The following RFT1 variants were observed in gnomAD, a reference collection of about 807,000 sequenced individuals.
RFT1 encodes the protein man(5)GlcNAc(2)-PP-dolichol translocation protein RFT1.
A neutral mutation model predicts 62.2 loss-of-function variants in RFT1; 43 were observed. That is an observed-to-expected ratio of 0.69 (90% CI 0.54 to 0.89). The LOEUF (loss-of-function observed/expected upper bound fraction) is 0.89, where lower values mean the gene tolerates loss of function less well. Among genes scored for constraint, RFT1 ranks in the 40% least tolerant of loss-of-function variants. RFT1 has a pLI of 0.00. For missense variants in RFT1, 605 were observed against 649.9 expected (o/e 0.93, Z 0.75); for synonymous variants, 262 against 264.6 (o/e 0.99, Z 0.10).
intron 6 of RFT1, among the ~76,000 whole-genome samples, chr3:53,115,433 T>G (rs138492370): frequency 6.6e-6 from 1 of 152,186 alleles, no homozygotes; most frequent in Non-Finnish European, 1.5e-5. Context: ...CAAAAACCTT[T>G]CATTAGGCTC....
intron 11 of RFT1, among the ~76,000 whole-genome samples, chr3:53,098,998 G>T (rs1367964576): frequency 6.6e-6 from 1 of 152,130 alleles, no homozygotes; most frequent in Non-Finnish European, 1.5e-5. Flanking sequence ...GGGTAGGAAT[G>T]TGCATCTTGA....
the RFT1 span, among the ~76,000 whole-genome samples, chr3:53,074,215 A>C: frequency 3.7e-4 from 57 of 152,240 alleles, no homozygotes; most frequent in Middle Eastern, 0.01. Context: ...ACCCCCTCTC[A>C]GCCTGGCATT....
intron 6 of RFT1, among the ~76,000 whole-genome samples, chr3:53,114,439 G>A (rs2564944): frequency 1.3e-5 from 2 of 151,962 alleles, no homozygotes. Flanking sequence ...TGGTTTAAAT[G>A]GGCCTGTGGT....
At chr3:53,097,293 A>C (rs1701171098) in intron 11 of RFT1, among the ~76,000 whole-genome samples, 1 of 152,192 alleles carries the variant, frequency 6.6e-6, no homozygotes, top group Non-Finnish European at 1.5e-5. Flanking sequence ...CCACGTGCTC[A>C]GACCAGGGCC....
chr3:53,093,327 G>A (rs554676635), intron 11 of RFT1, among the ~76,000 whole-genome samples: 2 of 152,206 alleles, frequency 1.3e-5, no homozygotes, highest in African/African-American at 2.4e-5. Flanking sequence ...GGATCCTGGC[G>A]CTTCTTGCAC....
At chr3:53,129,252 C>T (rs577606060) in intron 1 of RFT1, among the ~76,000 whole-genome samples, 28 of 152,272 alleles carry the variant, frequency 1.8e-4, no homozygotes, top group Non-Finnish European at 3.2e-4. Context: ...TACTTATTAC[C>T]CTAATAAAAA....
At chr3:53,101,263 A>C (rs1701304572) in intron 10 of RFT1, among the ~76,000 whole-genome samples, 1 of 152,170 alleles carries the variant, frequency 6.6e-6, no homozygotes, top group South Asian at 2.1e-4. Context: ...CCCCCACCCC[A>C]GCTGACGGTG....
chr3:53,075,862 G>A, the RFT1 span, among the ~76,000 whole-genome samples: 1 of 152,216 alleles, frequency 6.6e-6, no homozygotes, highest in Non-Finnish European at 1.5e-5. Context: ...CCCCATCTGT[G>A]ATGAGCAGGG....
chr3:53,077,439 C>A, the RFT1 span, among the ~76,000 whole-genome samples: 1 of 152,226 alleles, frequency 6.6e-6, no homozygotes, highest in South Asian at 2.1e-4. Context: ...TGCCTGTGGG[C>A]AGGGAAACAA....
chr3:53,123,879 T>C (rs754650865), intron 2 of RFT1, 39 bp from the exon 3 acceptor site: 7 of 1,521,046 alleles, frequency 4.6e-6, no homozygotes, highest in Non-Finnish European at 6.4e-6. Flanking sequence ...GTCTCAAGTT[T>C]TTTCATAGAG....
At chr3:53,111,803 G>A (rs779780815) in intron 7 of RFT1, 27 bp downstream of exon 7, 8 of 1,592,294 alleles carry the variant, frequency 5.0e-6, no homozygotes, top group Non-Finnish European at 6.0e-6. Context: ...ATGGTCTCCC[G>A]ACGATTCAGA....
At chr3:53,098,629 C>T (rs559451155) in intron 11 of RFT1, among the ~76,000 whole-genome samples, 2 of 151,976 alleles carry the variant, frequency 1.3e-5, no homozygotes, top group South Asian at 4.2e-4. Flanking sequence ...GGTGAAACCC[C>T]ATCTCTACTA....
Position 53,111,891 on chromosome 3 carries a change from T to C in RFT1, c.714A>G (p.Lys238=). Residue 238 remains lysine, a synonymous_variant, in exon 7 of 13, where the codon AAA becomes AAG. Coordinates refer to ENST00000296292, the MANE Select transcript of RFT1 (RefSeq NM_052859.4). ...ITRNGAFINW[K]EAKLTWSFFK... is the part of the protein sequence containing the mutation. ...AAAAACTCCAAGTCAGTTTAGCCTCTTTCCAGTTTATAAACGCCTAGAAGA... is the reference window on the plus strand; with the variant it reads ...AAAAACTCCAAGTCAGTTTAGCCTCCTTCCAGTTTATAAACGCCTAGAAGA... 3 of 1,613,710 alleles carry C rather than the reference T, an allele frequency of 1.9e-6. No homozygotes were observed. Among genetic ancestry groups the C allele is most frequent in the Non-Finnish European group, 1.7e-6 (2 of 1,179,858 alleles).
chr3:53,123,350 T>C (rs1209529034), intron 3 of RFT1, among the ~76,000 whole-genome samples: 1 of 152,186 alleles, frequency 6.6e-6, no homozygotes, highest in Non-Finnish European at 1.5e-5. Context: ...TAAGTGGCTG[T>C]TAAAAGCTCA....
chr3:53,098,735 G>A (rs1318013222), intron 11 of RFT1, among the ~76,000 whole-genome samples: 1 of 146,498 alleles, frequency 6.8e-6, no homozygotes, highest in African/African-American at 2.6e-5. Flanking sequence ...CTGGGAGGCA[G>A]AGCTTGCAGT....
At chr3:53,103,660 G>A (rs909898755) in intron 10 of RFT1, 2 of 412,392 alleles carry the variant, frequency 4.8e-6, no homozygotes, top group African/African-American at 4.1e-5. Flanking sequence ...ACAGGGAAGC[G>A]CTTGGCAAAA....
intron 5 of RFT1, 103 bp downstream of exon 5, chr3:53,121,595 AG>A: frequency 1.1e-6 from 1 of 896,388 alleles, no homozygotes. Flanking sequence ...CCTCCTGCAC[AG>A]GCATGGGTAC....
chr3:53,124,476 A>G (rs1030877317), intron 2 of RFT1, among the ~76,000 whole-genome samples: 2 of 152,188 alleles, frequency 1.3e-5, no homozygotes, highest in African/African-American at 4.8e-5. Flanking sequence ...GGGTTGTCCA[A>G]GGATTATCCT....
At chr3:53,112,645 T>C (rs911976285) in intron 6 of RFT1, among the ~76,000 whole-genome samples, 2 of 152,138 alleles carry the variant, frequency 1.3e-5, no homozygotes, top group Non-Finnish European at 2.9e-5. Flanking sequence ...TGGGAGGCTG[T>C]GGCACAAGAA....
Sources: gnomAD v4.1 joint callset for allele counts (sites outside exome capture counted in the v4.1 genomes callset) on GRCh38, gnomAD v4.1.1 for gene constraint, MANE v1.5 for transcripts, NCBI Gene and HGNC (gene_info 2026-07-23, HGNC 2026-07-21) for gene names.